The following CD6 variants were observed in gnomAD, a reference collection of about 807,000 sequenced individuals.
The protein encoded by CD6 is CD6 molecule, also known as T-cell differentiation antigen CD6.
Under a neutral mutation model 75.3 loss-of-function variants are expected in CD6, and 53 were observed. The ratio of observed to expected loss-of-function variants is 0.70; its 90% confidence interval spans 0.56 to 0.88. CD6 has a LOEUF of 0.88. Among genes scored for constraint, CD6 ranks in the 40% least tolerant of loss-of-function variants. The pLI, the probability that CD6 is intolerant of heterozygous loss-of-function variation, is 0.00. For synonymous variants in CD6, 359 were observed against 381.5 expected, an observed-to-expected ratio of 0.94 and a Z score of 0.69; for missense variants, 770 against 897.1, an observed-to-expected ratio of 0.86 and a Z score of 1.81.
chr11:60,987,930 C>T (rs1351179010), intron 1 of CD6: 1 of 152,250 alleles, frequency 6.6e-6, no homozygotes, highest in Non-Finnish European at 1.5e-5. Context: ...GGCCCAGAGC[C>T]TAGCTGAGAG....
intron 1 of CD6, among the ~76,000 whole-genome samples, chr11:60,999,047 A>G (rs1193522436): frequency 6.6e-6 from 1 of 152,056 alleles, no homozygotes. Flanking sequence ...AGTCCCAGCT[A>G]TTCAGGAGGC....
At chr11:60,976,664 A>G (rs183291414) in intron 1 of CD6, among the ~76,000 whole-genome samples, 110 of 152,230 alleles carry the variant, frequency 7.2e-4, no homozygotes, top group African/African-American at 2.5e-3. Context: ...GACTGAGCTG[A>G]GGTCGGTGTT....
intron 1 of CD6, among the ~76,000 whole-genome samples, chr11:60,995,547 ATAGT>A (rs944859364): frequency 3.3e-5 from 5 of 152,198 alleles, no homozygotes; most frequent in Non-Finnish European, 5.9e-5. Flanking sequence ...TAAAAAGAAA[ATAGT>A]TAGGACAGTT....
chr11:60,994,746 C>T (rs1225404242), intron 1 of CD6, among the ~76,000 whole-genome samples: 2 of 152,214 alleles, frequency 1.3e-5, no homozygotes, highest in Non-Finnish European at 2.9e-5. Flanking sequence ...ATCTATGTTC[C>T]GTTTCATTAA....
intron 1 of CD6, chr11:60,985,257 C>T (rs1857761764): frequency 1.4e-5 from 2 of 139,504 alleles, no homozygotes; most frequent in Admixed American, 1.6e-4. Context: ...CATCTTGGCT[C>T]ACTGCAACCT....
intron 1 of CD6, among the ~76,000 whole-genome samples, chr11:61,005,107 C>G (rs963287811): frequency 6.6e-6 from 1 of 152,250 alleles, no homozygotes; most frequent in Non-Finnish European, 1.5e-5. Flanking sequence ...AGCTTGCTCA[C>G]TGGGTGGCCT....
chr11:61,012,380 G>T (rs867434972), intron 6 of CD6, among the ~76,000 whole-genome samples: 1 of 152,124 alleles, frequency 6.6e-6, no homozygotes, highest in South Asian at 2.1e-4. Context: ...CACATTCACG[G>T]GTCTCCCCAT....
At chr11:60,984,329 C>T (rs569562373) in intron 1 of CD6, among the ~76,000 whole-genome samples, 27 of 152,214 alleles carry the variant, frequency 1.8e-4, no homozygotes, top group East Asian at 7.7e-4. Context: ...TTGCTGCCTC[C>T]GTGGGAGGGA....
intron 1 of CD6, among the ~76,000 whole-genome samples, chr11:60,993,530 G>T (rs1424590523): frequency 1.3e-5 from 2 of 151,844 alleles, no homozygotes; most frequent in African/African-American, 2.4e-5. Context: ...TCACCCACCC[G>T]TGCACTCTTC....
chr11:61,008,992 T>C, intron 4 of CD6, 147 bp downstream of exon 4: 1 of 702,980 alleles, frequency 1.4e-6, no homozygotes, highest in Non-Finnish European at 2.2e-6. Context: ...GAGACAAACA[T>C]AATTCAGGAG....
At chr11:60,995,197 T>G (rs1858242263) in intron 1 of CD6, among the ~76,000 whole-genome samples, 1 of 151,944 alleles carries the variant, frequency 6.6e-6, no homozygotes, top group Non-Finnish European at 1.5e-5. Flanking sequence ...CAGCCTAGAA[T>G]GCAGTGCTGC....
chr11:60,992,303 G>C (rs1858095743), intron 1 of CD6, among the ~76,000 whole-genome samples: 1 of 151,474 alleles, frequency 6.6e-6, no homozygotes, highest in African/African-American at 2.4e-5. Context: ...GGGATTACAA[G>C]TGTGAACCAC....
At chr11:60,974,756 G>A (rs1857306052) in intron 1 of CD6, among the ~76,000 whole-genome samples, 1 of 152,200 alleles carries the variant, frequency 6.6e-6, no homozygotes, top group Non-Finnish European at 1.5e-5. Context: ...GGAGGCTGGG[G>A]TGGCATCATG....
intron 1 of CD6, among the ~76,000 whole-genome samples, chr11:60,984,713 C>T (rs999039104): frequency 2.0e-5 from 3 of 152,188 alleles, no homozygotes; most frequent in African/African-American, 7.2e-5. Flanking sequence ...AGAGCGGTTG[C>T]ACTGGAGACA....
At chr11:60,982,447 T>G (rs1056778439) in intron 1 of CD6, among the ~76,000 whole-genome samples, 34 of 152,148 alleles carry the variant, frequency 2.2e-4, no homozygotes, top group African/African-American at 8.0e-4. Context: ...AGGATGTTTA[T>G]CTGCACTTCA....
chr11:60,975,021 G>A (rs1433027409), intron 1 of CD6, among the ~76,000 whole-genome samples: 1 of 152,152 alleles, frequency 6.6e-6, no homozygotes, highest in Non-Finnish European at 1.5e-5. Context: ...CTTTGTGTAT[G>A]AAAAGGCTGT....
intron 7 of CD6, 40 bp from the exon 8 acceptor site, chr11:61,013,879 A>G: frequency 6.8e-7 from 1 of 1,464,314 alleles, no homozygotes; most frequent in African/African-American, 1.4e-5. Context: ...GGGAGAGGGC[A>G]AAAAAATGAC....
At chr11:61,005,937 A>G (rs895696175) in intron 1 of CD6, among the ~76,000 whole-genome samples, 1 of 151,220 alleles carries the variant, frequency 6.6e-6, no homozygotes, top group Middle Eastern at 3.4e-3. Context: ...GTCTCAAAAA[A>G]AAAAAAAGAA....
At chr11:61,018,058 C>T in intron 11 of CD6, 45 bp downstream of exon 11, 1 of 1,594,372 alleles carries the variant, frequency 6.3e-7, no homozygotes, top group South Asian at 1.1e-5. Context: ...GCCAGCCTGG[C>T]TGGAGGAGGC....
Sources: gnomAD v4.1 joint callset for allele counts (sites outside exome capture counted in the v4.1 genomes callset) on GRCh38, gnomAD v4.1.1 for gene constraint, MANE v1.5 for transcripts, NCBI Gene and HGNC (gene_info 2026-07-23, HGNC 2026-07-21) for gene names.